Variants in POLD3 observed in about 807,000 individuals in gnomAD.
POLD3 encodes DNA polymerase delta subunit 3.
In POLD3, 19 loss-of-function variants were observed where a neutral mutation model predicts 58.2. The ratio of observed to expected loss-of-function variants is 0.33; its 90% CI spans 0.23 to 0.48. POLD3 has a LOEUF of 0.48. POLD3 is among the 20% of genes least tolerant of loss of function. The pLI is 0.99. For missense variants in POLD3, 504 were observed against 545.5 expected, an observed-to-expected ratio of 0.92 and a Z score of 0.76; for synonymous variants, 172 against 193.5, an observed-to-expected ratio of 0.89 and a Z score of 0.92.
intron 2 of POLD3, chr11:74,595,294 A>G (rs887055735): frequency 6.6e-6 from 1 of 151,708 alleles, no homozygotes; most frequent in Non-Finnish European, 1.5e-5. Context: ...CACCTGGCAA[A>G]AACTTTTTAT....
At chr11:74,607,096 C>T (rs1207855106) in intron 3 of POLD3, among the ~76,000 whole-genome samples, 1 of 151,940 alleles carries the variant, frequency 6.6e-6, no homozygotes, top group Non-Finnish European at 1.5e-5. Context: ...AAAGGGAATC[C>T]TCCTAAGGAA....
chr11:74,625,366 G>C (rs1435377878), intron 7 of POLD3, 42 bp from the exon 8 acceptor site: 2 of 1,483,302 alleles, frequency 1.3e-6, no homozygotes, highest in South Asian at 2.5e-5. Context: ...TATTAATATT[G>C]CATGATGGGG....
chr11:74,620,529 A>AT (rs1410252712), intron 7 of POLD3, among the ~76,000 whole-genome samples: 2 of 152,066 alleles, frequency 1.3e-5, no homozygotes, highest in East Asian at 1.9e-4. Context: ...TTCTTCAGTT[A>AT]TTTTTTGCAG....
In POLD3 at chr11:74,641,500, C is replaced by T. The variant is rs2032912057; in HGVS notation, c.*734C>T. ...ATGTGTTCAACTCCACCAGAAATTA[C>T]CTCGAGTCAGCATTGACGATATTGG... is the stretch of plus-strand genomic sequence containing the variant. On this transcript the variant is annotated 3_prime_UTR_variant, in exon 12 of 12. Coordinates refer to ENST00000263681, the MANE Select transcript of POLD3 (RefSeq NM_006591.3). 1.0e-6 allele frequency: 1 copy of T among 985,406 alleles called. No individual in the cohort carries two copies. The highest frequency in any genetic ancestry group is 1.2e-6 in the Non-Finnish European group (1 of 829,932). The allele number at this position is 985,406 out of a possible 1,614,324, so 61.0% of individuals were successfully genotyped here.
chr11:74,646,359 A>C (rs954928440), downstream of POLD3, among the ~76,000 whole-genome samples: 1 of 152,180 alleles, frequency 6.6e-6, no homozygotes, highest in African/African-American at 2.4e-5. Flanking sequence ...GCTTATTCAA[A>C]TCAACCTCTT....
rs2032892705 is a variant in POLD3, at chr11:74,640,796, G to T, written c.*30G>T. On this transcript the variant is annotated 3_prime_UTR_variant, in exon 12 of 12. Coordinates refer to ENST00000263681, the MANE Select transcript of POLD3 (RefSeq NM_006591.3). ...CCATCTCTGGTAGATCAGAGACTTG[G>T]AGTGGTCAAGGGAGAAGACCAAGAA... 7.8e-6 allele frequency: 12 copies of T among 1,539,406 alleles called. No homozygotes were observed. Among genetic ancestry groups the T allele is most frequent in the Non-Finnish European group, 9.6e-6 (11 of 1,147,540 alleles).
chr11:74,606,060 G>A (rs1041853743), intron 3 of POLD3, among the ~76,000 whole-genome samples: 29 of 152,200 alleles, frequency 1.9e-4, no homozygotes, highest in East Asian at 3.8e-4. Context: ...ACTCCAGCTT[G>A]GGTGATATAA....
intron 5 of POLD3, 128 bp from the exon 6 acceptor site, chr11:74,618,409 T>C (rs1057424790): frequency 1.9e-5 from 13 of 668,666 alleles, no homozygotes; most frequent in Non-Finnish European, 2.9e-5. Flanking sequence ...GAGTTAAGTA[T>C]TGTGTGGAAG....
chr11:74,622,561 G>A (rs1431846699), intron 7 of POLD3, among the ~76,000 whole-genome samples: 2 of 152,170 alleles, frequency 1.3e-5, no homozygotes, highest in Non-Finnish European at 2.9e-5. Flanking sequence ...AATGTTCAGA[G>A]TAAAATTATG....
intron 4 of POLD3, among the ~76,000 whole-genome samples, chr11:74,662,532 C>T (rs1405404990): frequency 5.3e-5 from 8 of 152,020 alleles, no homozygotes; most frequent in East Asian, 1.9e-4. Flanking sequence ...CCTATCCTGT[C>T]GTGCCTGAGC....
intron 9 of POLD3, among the ~76,000 whole-genome samples, chr11:74,631,455 G>A (rs569397888): frequency 3.4e-5 from 5 of 145,150 alleles, no homozygotes; most frequent in African/African-American, 1.3e-4. Flanking sequence ...TTGGTACATG[G>A]TTTTCTTTTG....
chr11:74,598,902 T>C (rs1405139559), intron 2 of POLD3, among the ~76,000 whole-genome samples: 2 of 152,188 alleles, frequency 1.3e-5, no homozygotes, highest in Non-Finnish European at 2.9e-5. Context: ...AATGAGAGAA[T>C]GTAGAAGAGC....
intron 6 of POLD3, among the ~76,000 whole-genome samples, chr11:74,619,170 G>A (rs1402787091): frequency 1.3e-5 from 2 of 152,130 alleles, no homozygotes; most frequent in South Asian, 2.1e-4. Context: ...TCTGGGCTTT[G>A]CAACATATAC....
intron 4 of POLD3, among the ~76,000 whole-genome samples, chr11:74,666,494 G>A (rs530733058): frequency 9.9e-5 from 15 of 152,260 alleles, no homozygotes; most frequent in Admixed American, 5.2e-4. Flanking sequence ...GGTGGCGGGC[G>A]CCTGTAATCC....
intron 5 of POLD3, among the ~76,000 whole-genome samples, chr11:74,616,564 T>C (rs1427140564): frequency 6.6e-6 from 1 of 152,194 alleles, no homozygotes; most frequent in Non-Finnish European, 1.5e-5. Context: ...CTCTTTTCCT[T>C]GTATATGGAA....
At chr11:74,650,409 T>A (rs971377100) in intron 4 of POLD3, among the ~76,000 whole-genome samples, 3 of 152,210 alleles carry the variant, frequency 2.0e-5, no homozygotes, top group Non-Finnish European at 2.9e-5. Flanking sequence ...TCATTCTGTG[T>A]GCTACACAAC....
chr11:74,643,334 T>G (rs577962871), downstream of POLD3, among the ~76,000 whole-genome samples: 2 of 152,346 alleles, frequency 1.3e-5, no homozygotes, highest in South Asian at 4.1e-4. Context: ...TATAGATGCC[T>G]ATATTTACTG....
chr11:74,624,807 T>C (rs2032380086), intron 7 of POLD3, among the ~76,000 whole-genome samples: 1 of 152,204 alleles, frequency 6.6e-6, no homozygotes, highest in Admixed American at 6.5e-5. Context: ...CCTGGATAAA[T>C]CATTTAACCA....
chr11:74,613,242 G>A (rs1343498858), intron 5 of POLD3, among the ~76,000 whole-genome samples: 2 of 151,762 alleles, frequency 1.3e-5, no homozygotes, highest in Non-Finnish European at 2.9e-5. Context: ...TATTTATCCT[G>A]TCACTGCCAC....
Sources: allele counts gnomAD v4.1 joint callset (sites outside exome capture counted in the v4.1 genomes callset), GRCh38; gene constraint gnomAD v4.1.1; transcripts MANE v1.5; gene names NCBI Gene and HGNC (gene_info 2026-07-23, HGNC 2026-07-21).